Variants in PTPRK observed in about 807,000 individuals in gnomAD.
The protein encoded by PTPRK is receptor-type tyrosine-protein phosphatase kappa.
A neutral mutation model predicts 178.0 loss-of-function variants in PTPRK; 75 were observed. That is an observed-to-expected ratio of 0.42 (90% confidence interval 0.35 to 0.51). PTPRK has a LOEUF of 0.51. Ranked by LOEUF, PTPRK falls within the 20% of genes least tolerant of loss-of-function variation. The probability of loss-of-function intolerance (pLI) is 0.02; values close to 1 mark genes in which losing one functional copy is unlikely to be tolerated. For synonymous variants in PTPRK, 637 were observed against 620.6 expected (o/e 1.03, Z -0.39); for missense variants, 1,441 against 1,797.8 (o/e 0.80, Z 3.59).
chr6:128,499,542 A>G (rs1855238761), intron 1 of PTPRK, among the ~76,000 whole-genome samples: 1 of 152,242 alleles, frequency 6.6e-6, no homozygotes, highest in African/African-American at 2.4e-5. Flanking sequence ...CGCAAACTCT[A>G]TGCTCTTTGC....
chr6:127,980,641 C>A (rs1462175772), intron 25 of PTPRK, among the ~76,000 whole-genome samples: 2 of 152,040 alleles, frequency 1.3e-5, no homozygotes, highest in Non-Finnish European at 2.9e-5. Context: ...ACCATCCATC[C>A]CCTCTCTAGT....
intron 2 of PTPRK, among the ~76,000 whole-genome samples, chr6:128,373,786 T>G (rs577986920): frequency 6.6e-6 from 1 of 152,298 alleles, no homozygotes; most frequent in Non-Finnish European, 1.5e-5. Context: ...AATTTCTGTT[T>G]ATGACACAAA....
intron 5 of PTPRK, among the ~76,000 whole-genome samples, chr6:128,239,125 G>GTTTTTTTTTTTT (rs71833785): frequency 3.0e-5 from 3 of 98,752 alleles, no homozygotes; most frequent in African/African-American, 9.6e-5. Context: ...AACTCATCTT[G>GTTTTTTTTTTTT]TTTTTTTTTT....
intron 25 of PTPRK, among the ~76,000 whole-genome samples, 161 bp from the exon 26 acceptor site, chr6:127,977,215 G>T (rs532677175): frequency 4.6e-5 from 7 of 152,226 alleles, no homozygotes; most frequent in Non-Finnish European, 4.4e-5. Flanking sequence ...AGGAGATTCA[G>T]ACCACTGGAA....
chr6:128,221,321 A>G (rs1466010052), intron 5 of PTPRK, among the ~76,000 whole-genome samples: 1 of 151,076 alleles, frequency 6.6e-6, no homozygotes, highest in Non-Finnish European at 1.5e-5. Flanking sequence ...TCAGGAGATC[A>G]AGACCATCCT....
intron 7 of PTPRK, among the ~76,000 whole-genome samples, chr6:128,123,496 AT>A (rs1184030851): frequency 1.3e-5 from 2 of 152,162 alleles, no homozygotes; most frequent in South Asian, 2.1e-4. Flanking sequence ...TTTACAGGAA[AT>A]TTCCAAAGAT....
At chr6:128,166,918 A>G (rs1449434280) in intron 7 of PTPRK, among the ~76,000 whole-genome samples, 1 of 151,798 alleles carries the variant, frequency 6.6e-6, no homozygotes, top group African/African-American at 2.4e-5. Context: ...TATATTCTAT[A>G]AAATTAACAT....
chr6:128,007,012 T>C (rs1446084412), intron 14 of PTPRK, among the ~76,000 whole-genome samples: 2 of 150,840 alleles, frequency 1.3e-5, no homozygotes, highest in East Asian at 3.9e-4. Context: ...AAAATGTAGA[T>C]AAGAGGCTAA....
intron 13 of PTPRK, among the ~76,000 whole-genome samples, chr6:128,044,691 G>C (rs1194855213): frequency 6.6e-6 from 1 of 151,650 alleles, no homozygotes; most frequent in African/African-American, 2.4e-5. Context: ...CATCAACTCA[G>C]TGAGGATTTA....
chr6:128,248,065 A>T (rs1012349322), intron 3 of PTPRK, among the ~76,000 whole-genome samples: 1 of 152,194 alleles, frequency 6.6e-6, no homozygotes, highest in Non-Finnish European at 1.5e-5. Flanking sequence ...AATTTCAGTA[A>T]CGAATAAAAT....
At chr6:127,972,800 T>G (rs1310535138) in intron 29 of PTPRK, among the ~76,000 whole-genome samples, 1 of 152,148 alleles carries the variant, frequency 6.6e-6, no homozygotes, top group African/African-American at 2.4e-5. Context: ...ATTTCCCAAA[T>G]TAAATGAAAA....
At chr6:128,315,642 A>G (rs367765223) in intron 3 of PTPRK, among the ~76,000 whole-genome samples, 4 of 152,274 alleles carry the variant, frequency 2.6e-5, no homozygotes, top group East Asian at 3.9e-4. Flanking sequence ...CTAACAACAG[A>G]ATAATTAGAT....
intron 25 of PTPRK, among the ~76,000 whole-genome samples, chr6:127,980,346 G>A (rs559955402): frequency 1.1e-4 from 16 of 151,920 alleles, no homozygotes; most frequent in South Asian, 6.2e-4. Flanking sequence ...CAAAATAAGC[G>A]GGGTGTGGTA....
chr6:128,433,203 C>T (rs536082314), intron 1 of PTPRK, among the ~76,000 whole-genome samples: 136 of 152,224 alleles, frequency 8.9e-4, no homozygotes, highest in Non-Finnish European at 1.6e-3. Flanking sequence ...AACACGAGAA[C>T]GTATTCCTTC....
intron 6 of PTPRK, among the ~76,000 whole-genome samples, chr6:128,186,341 A>C (rs1298630811): frequency 3.3e-5 from 5 of 152,096 alleles, no homozygotes; most frequent in Non-Finnish European, 5.9e-5. Flanking sequence ...TTATGGCAGT[A>C]ACTTTTAAAC....
At chr6:128,162,425 T>C (rs892924455) in intron 7 of PTPRK, among the ~76,000 whole-genome samples, 3 of 151,716 alleles carry the variant, frequency 2.0e-5, no homozygotes, top group South Asian at 2.1e-4. Flanking sequence ...CATGTCTGCA[T>C]GTGTTGGGAA....
intron 2 of PTPRK, among the ~76,000 whole-genome samples, chr6:128,366,363 A>G (rs563497436): frequency 2.7e-4 from 41 of 152,274 alleles, no homozygotes; most frequent in African/African-American, 9.9e-4. Context: ...GTACATAAAT[A>G]TGTTTCACAT....
At chr6:128,309,766 GA>G (rs1483658208) in intron 3 of PTPRK, among the ~76,000 whole-genome samples, 1 of 144,018 alleles carries the variant, frequency 6.9e-6, no homozygotes, top group East Asian at 1.9e-4. Context: ...AAGATATTCT[GA>G]TTTTTTTTAT....
chr6:127,979,414 T>C (rs949880737), intron 25 of PTPRK, among the ~76,000 whole-genome samples: 1 of 152,274 alleles, frequency 6.6e-6, no homozygotes, highest in African/African-American at 2.4e-5. Context: ...TGTTCACACA[T>C]CCTTTTTTTA....
Sources: gnomAD v4.1 joint callset for allele counts (sites outside exome capture counted in the v4.1 genomes callset) on GRCh38, gnomAD v4.1.1 for gene constraint, MANE v1.5 for transcripts, NCBI Gene and HGNC (gene_info 2026-07-23, HGNC 2026-07-21) for gene names.